ADCY8: variants seen among roughly 807,000 people sequenced by gnomAD.
ADCY8 encodes adenylate cyclase 8.
In ADCY8, 51 loss-of-function variants were observed where a neutral mutation model predicts 119.7. The observed-to-expected ratio is 0.43, with a 90% CI of 0.34 to 0.54. The LOEUF (loss-of-function observed/expected upper bound fraction) is 0.54. Ranked by LOEUF, ADCY8 falls within the 20% of genes least tolerant of loss-of-function variation. ADCY8 has a pLI of 0.03. For missense variants in ADCY8, 1,383 were observed against 1,598.8 expected (o/e 0.87, Z 2.30); for synonymous variants, 665 against 651.0 (o/e 1.02, Z -0.33).
At chr8:130,998,803 A>AT (rs1431148823) in intron 1 of ADCY8, among the ~76,000 whole-genome samples, 2 of 152,124 alleles carry the variant, frequency 1.3e-5, no homozygotes, top group Non-Finnish European at 2.9e-5. Flanking sequence ...TTGCTGGTGG[A>AT]TTTTTTGTGG....
intron 2 of ADCY8, among the ~76,000 whole-genome samples, chr8:130,970,979 C>T (rs1299449027): frequency 6.6e-6 from 1 of 152,070 alleles, no homozygotes; most frequent in Admixed American, 6.5e-5. Context: ...GAAAGACATT[C>T]GGGATAATTT....
At chr8:130,948,896 A>G (rs888043332) in intron 3 of ADCY8, among the ~76,000 whole-genome samples, 7 of 151,844 alleles carry the variant, frequency 4.6e-5, no homozygotes, top group Non-Finnish European at 8.8e-5. Context: ...TGGGCAGGAG[A>G]CGCCCCGCCG....
chr8:130,933,666 C>A (rs2130615909), intron 5 of ADCY8, among the ~76,000 whole-genome samples: 1 of 152,316 alleles, frequency 6.6e-6, no homozygotes, highest in Admixed American at 6.5e-5. Flanking sequence ...TCATTTCTCA[C>A]TGTTCAATTT....
At chr8:130,869,508 ATTTTTTTTTGTTT>A (rs1563702654) in intron 8 of ADCY8, among the ~76,000 whole-genome samples, 1 of 137,102 alleles carries the variant, frequency 7.3e-6, no homozygotes, top group African/African-American at 2.8e-5. Context: ...TATTTTGTTT[ATTTTTTTTTGTTT>A]TTTTGTTTTT....
chr8:130,952,262 G>A (rs547884025), intron 2 of ADCY8, among the ~76,000 whole-genome samples: 1 of 152,252 alleles, frequency 6.6e-6, no homozygotes, highest in South Asian at 2.1e-4. Context: ...GATACATTAA[G>A]TATTACATAC....
intron 11 of ADCY8, among the ~76,000 whole-genome samples, chr8:130,838,932 G>A (rs1379041315): frequency 7.1e-6 from 1 of 140,918 alleles, no homozygotes; most frequent in African/African-American, 2.4e-5. Flanking sequence ...GCATTCTGCA[G>A]GCACATCTGA....
intron 15 of ADCY8, among the ~76,000 whole-genome samples, chr8:130,789,754 T>C (rs2130066204): frequency 6.6e-6 from 1 of 152,326 alleles, no homozygotes; most frequent in South Asian, 2.1e-4. Context: ...AAGTCACGCC[T>C]GCCTTTCCTG....
At chr8:130,788,032 G>A (rs1036441028) in intron 15 of ADCY8, among the ~76,000 whole-genome samples, 1 of 152,102 alleles carries the variant, frequency 6.6e-6, no homozygotes, top group African/African-American at 2.4e-5. Context: ...ATATTGGCTT[G>A]GTGTTATGCA....
chr8:130,953,535 C>T (rs1319619429), intron 2 of ADCY8, among the ~76,000 whole-genome samples: 1 of 152,018 alleles, frequency 6.6e-6, no homozygotes. Context: ...CCTTGTTATT[C>T]CTAGCTGGGA....
At chr8:130,916,092 C>T (rs185785192) in intron 5 of ADCY8, among the ~76,000 whole-genome samples, 235 of 152,230 alleles carry the variant, frequency 1.5e-3, no homozygotes, top group Admixed American at 2.2e-3. Flanking sequence ...AACTGAGTCA[C>T]GAGAGGTATA....
chr8:130,869,276 C>T (rs1818238778), intron 8 of ADCY8, among the ~76,000 whole-genome samples: 1 of 152,098 alleles, frequency 6.6e-6, no homozygotes, highest in African/African-American at 2.4e-5. Context: ...AAGCCATCCT[C>T]AACCCTGATA....
At position 130,849,619 on chromosome 8, in the gene ADCY8, C is replaced by T; in HGVS notation, c.2395G>A (p.Gly799Ser). 1 of 1,613,876 alleles carries T rather than the reference C, an allele frequency of 6.2e-7. No homozygotes were observed. Among genetic ancestry groups the T allele is most frequent in the Non-Finnish European group, 8.5e-7 (1 of 1,179,862 alleles). Residue 799 changes from glycine (G) to serine (S), a missense_variant, in exon 10 of 18, where the codon GGT (glycine) becomes AGT (serine). By Grantham distance (56) the Gly-to-Ser change is moderately conservative. Coordinates refer to ENST00000286355, the MANE Select transcript of ADCY8 (RefSeq NM_001115.3). The stretch of plus-strand genomic sequence containing the variant: ...ATGCTTACGATATTTAAGATGGCAC[C>T]CAGGAAATTAATCAAAATGGATGCA... The part of the protein sequence containing the change: ...IFASILINFL[G>S]AILNILWCDF...
intron 6 of ADCY8, 47 bp from the exon 7 acceptor site, chr8:130,904,089 C>A: frequency 1.3e-6 from 2 of 1,553,150 alleles, no homozygotes. Flanking sequence ...ATGTTGCCTG[C>A]AAAGGCTATA....
chr8:130,975,318 A>G (rs896757777), intron 2 of ADCY8, among the ~76,000 whole-genome samples: 6 of 152,164 alleles, frequency 3.9e-5, no homozygotes, highest in African/African-American at 1.4e-4. Context: ...TGCGTACTTG[A>G]CTCTGTTTGA....
chr8:130,842,726 G>A (rs1242758708), intron 11 of ADCY8, among the ~76,000 whole-genome samples: 1 of 151,960 alleles, frequency 6.6e-6, no homozygotes, highest in Non-Finnish European at 1.5e-5. Flanking sequence ...AAAAAACTTA[G>A]CTCGGTGTGT....
chr8:130,994,142 A>G (rs1308525678), intron 1 of ADCY8, among the ~76,000 whole-genome samples: 1 of 152,252 alleles, frequency 6.6e-6, no homozygotes, highest in African/African-American at 2.4e-5. Flanking sequence ...TAAGATGTCA[A>G]TGATATTGGC....
At chr8:130,819,421 G>C (rs1166511126) in intron 13 of ADCY8, among the ~76,000 whole-genome samples, 1 of 152,184 alleles carries the variant, frequency 6.6e-6, no homozygotes, top group Non-Finnish European at 1.5e-5. Context: ...TGGAGCACAG[G>C]ATAAATCAAA....
At chr8:130,851,019 G>A (rs749823661) in intron 9 of ADCY8, among the ~76,000 whole-genome samples, 1 of 152,162 alleles carries the variant, frequency 6.6e-6, no homozygotes, top group Non-Finnish European at 1.5e-5. Flanking sequence ...CAGTTGGTCA[G>A]TGTTAGAGCC....
At position 131,039,616 on chromosome 8, in the gene ADCY8, T is replaced by C. The variant is rs1824292361; in HGVS notation, c.718A>G (p.Thr240Ala). 2 of 1,613,934 alleles carry C rather than the reference T, an allele frequency of 1.2e-6. No individual in the cohort carries two copies. The highest frequency in any genetic ancestry group is 1.1e-5 in the South Asian group (1 of 91,076). Residue 240 changes from threonine (T) to alanine (A), a missense_variant, in exon 1 of 18, where the codon ACG becomes GCG. By Grantham distance (58) the Thr-to-Ala change is moderately conservative. Coordinates refer to ENST00000286355, the MANE Select transcript of ADCY8 (RefSeq NM_001115.3). ...VVVRKDTTSH[T>A]YLQYSGVVTW... is the part of the protein sequence containing the mutation. ...ACCACGCCGCTGTACTGCAGGTACG[T>C]GTGGGAGGTGGTGTCCTTCCTGACC...
Sources: gnomAD v4.1 joint callset for allele counts (sites outside exome capture counted in the v4.1 genomes callset) on GRCh38, gnomAD v4.1.1 for gene constraint, MANE v1.5 for transcripts, NCBI Gene and HGNC (gene_info 2026-07-23, HGNC 2026-07-21) for gene names.